The following ERBB4 variants were observed in gnomAD, a reference collection of about 807,000 sequenced individuals.
ERBB4 encodes the protein receptor tyrosine-protein kinase erbB-4.
ERBB4 carries 42 observed loss-of-function variants against 158.0 expected under a neutral mutation model. That is an observed-to-expected ratio of 0.27 (90% CI 0.21 to 0.34). The LOEUF (loss-of-function observed/expected upper bound fraction) is 0.34, where lower values mean the gene tolerates loss of function less well. Ranked by LOEUF, ERBB4 falls within the 10% of genes least tolerant of loss-of-function variation. The pLI, the probability that ERBB4 is intolerant of heterozygous loss-of-function variation, is 1.00. For missense variants in ERBB4, 1,333 were observed against 1,624.1 expected (o/e 0.82, Z 3.08); for synonymous variants, 583 against 558.7 (o/e 1.04, Z -0.61).
rs1553630145 is a variant in ERBB4, at chr2:211,772,955, A to ATATTTTT, written c.556+15069_556+15070insAAAAATA. The stretch of plus-strand genomic sequence containing the variant: ...TATATATATATATATATATATATAT[A>ATATTTTT]TTTTTTTTTTTAAAGATGGGGTCCT... On this transcript the variant is annotated intron_variant, in intron 4 of 27. Coordinates refer to ENST00000342788, the MANE Select transcript of ERBB4 (RefSeq NM_005235.3). Among the ~76,000 whole-genome samples the ATATTTTT allele has an allele frequency of 4.1e-4, 34 of 83,294 alleles. 5 individuals are homozygous for ATATTTTT. Among genetic ancestry groups the ATATTTTT allele is most frequent in the South Asian group, 9.7e-4 (2 of 2,054 alleles). The allele number at this position is 83,294 out of a possible 152,430, so 54.6% of individuals were successfully genotyped here.
chr2:211,543,716 T>G (rs1421568596), intron 20 of ERBB4, among the ~76,000 whole-genome samples: 7 of 151,954 alleles, frequency 4.6e-5, no homozygotes, highest in African/African-American at 1.7e-4. Context: ...GTAATAAACC[T>G]GGAAAATATG....
At chr2:211,863,634 A>C (rs949044419) in intron 3 of ERBB4, among the ~76,000 whole-genome samples, 17 of 152,174 alleles carry the variant, frequency 1.1e-4, no homozygotes, top group Admixed American at 3.3e-4. Context: ...AGTCAGTGAG[A>C]CCAGGAACCC....
At chr2:212,411,984 A>G (rs1003221380) in intron 1 of ERBB4, among the ~76,000 whole-genome samples, 1 of 152,086 alleles carries the variant, frequency 6.6e-6, no homozygotes, top group Non-Finnish European at 1.5e-5. Flanking sequence ...CAACTCTGGG[A>G]GTTCAACACA....
At chr2:212,464,944 C>G (rs1000023567) in intron 1 of ERBB4, among the ~76,000 whole-genome samples, 2 of 150,982 alleles carry the variant, frequency 1.3e-5, no homozygotes, top group African/African-American at 4.9e-5. Flanking sequence ...GAAACTAACA[C>G]AGTACAAATT....
chr2:211,789,475 C>T (rs62184480), intron 3 of ERBB4, among the ~76,000 whole-genome samples: 39,140 of 152,030 alleles, frequency 0.26, 5,379 homozygotes, highest in African/African-American at 0.29. Context: ...CAAGAGCAAG[C>T]AAGAGACTTC....
chr2:211,967,311 G>C (rs1284036804), intron 2 of ERBB4, among the ~76,000 whole-genome samples: 2 of 152,024 alleles, frequency 1.3e-5, no homozygotes, highest in Non-Finnish European at 2.9e-5. Flanking sequence ...ATGTAATAGG[G>C]AACTGCAATT....
At chr2:211,607,652 A>G (rs546924030) in intron 19 of ERBB4, among the ~76,000 whole-genome samples, 1 of 152,106 alleles carries the variant, frequency 6.6e-6, no homozygotes, top group Non-Finnish European at 1.5e-5. Context: ...CATGCTATAC[A>G]TAAACTGTAA....
At chr2:211,556,163 A>G (rs1358265279) in intron 20 of ERBB4, among the ~76,000 whole-genome samples, 1 of 152,232 alleles carries the variant, frequency 6.6e-6, no homozygotes, top group Admixed American at 6.5e-5. Flanking sequence ...ATAGACTATA[A>G]ACCAAAAAAG....
At position 212,076,417 on chromosome 2, in the gene ERBB4, C is replaced by A. The variant is rs577189352; in HGVS notation, c.234+48335G>T. Reference sequence around the variant, plus strand: ...GGATATCAAATCAATTCAATTCAATCCAACAGTATTCATTAAGTGCCTATT... The same window carrying A: ...GGATATCAAATCAATTCAATTCAATACAACAGTATTCATTAAGTGCCTATT... On this transcript the variant is annotated intron_variant, in intron 2 of 27. Transcript: ENST00000342788. Among the ~76,000 whole-genome samples the A allele has an allele frequency of 2.0e-5, 3 of 151,888 alleles. No individual in the cohort carries two copies. In the South Asian group the frequency reaches 6.2e-4, roughly 32 times the overall value.
chr2:212,499,971 T>C (rs1690793439), intron 1 of ERBB4, among the ~76,000 whole-genome samples: 1 of 152,114 alleles, frequency 6.6e-6, no homozygotes, highest in Non-Finnish European at 1.5e-5. Context: ...TGATTTCTCA[T>C]GAGATGACAC....
intron 1 of ERBB4, among the ~76,000 whole-genome samples, chr2:212,519,031 T>C (rs1692001124): frequency 6.6e-6 from 1 of 152,014 alleles, no homozygotes; most frequent in African/African-American, 2.4e-5. Flanking sequence ...TGCCATCCTG[T>C]GTGTACCCAG....
At chr2:211,875,025 C>CAAAAAAAAAA (rs746636278) in intron 3 of ERBB4, among the ~76,000 whole-genome samples, 27 of 27,014 alleles carry the variant, frequency 1.0e-3, no homozygotes, top group South Asian at 1.9e-3. Context: ...AATAGAAATG[C>CAAAAAAAAAA]AAAAAAAAAA....
rs1250397553 is a variant in ERBB4 at position 212,124,767 on chromosome 2, G to A, written c.219C>T (p.Asp73=). Residue 73 remains aspartate (D), a synonymous_variant, in exon 2 of 28, where the codon GAC becomes GAT. Coordinates refer to ENST00000342788, the MANE Select transcript of ERBB4 (RefSeq NM_005235.3). The stretch of plus-strand genomic sequence containing the variant: ...ACAGCTTTACCCGCAGGAAGGAGAG[G>A]TCCCGGTTGTGCTCAATGCTGGTTA... The part of the protein sequence containing the change: ...LEITSIEHNR[D]LSFLRSVREV... The A allele has an allele frequency of 6.2e-7, 1 of 1,614,116 alleles. No individual in the cohort carries two copies. The highest frequency in any genetic ancestry group is 1.1e-5 in the South Asian group (1 of 91,080).
At chr2:212,457,117 T>C (rs1192358642) in intron 1 of ERBB4, among the ~76,000 whole-genome samples, 1 of 152,054 alleles carries the variant, frequency 6.6e-6, no homozygotes. Context: ...TATTTAATGA[T>C]ACATCACAAA....
intron 1 of ERBB4, among the ~76,000 whole-genome samples, chr2:212,141,994 T>C (rs1389712736): frequency 6.6e-6 from 1 of 152,278 alleles, no homozygotes; most frequent in East Asian, 1.9e-4. Context: ...ACTTAGACCA[T>C]CTATCTGCTA....
intron 2 of ERBB4, among the ~76,000 whole-genome samples, chr2:212,001,466 T>C (rs1436805337): frequency 6.6e-6 from 1 of 152,162 alleles, no homozygotes; most frequent in Non-Finnish European, 1.5e-5. Flanking sequence ...TTAATCAATG[T>C]CACTTGTGCT....
intron 1 of ERBB4, among the ~76,000 whole-genome samples, chr2:212,372,775 C>T (rs2106388009): frequency 6.6e-6 from 1 of 152,156 alleles, no homozygotes; most frequent in East Asian, 1.9e-4. Context: ...CAAAACAAAA[C>T]AAAAGCCTGA....
chr2:211,664,182 T>A (rs540438432), intron 15 of ERBB4, among the ~76,000 whole-genome samples: 2 of 152,318 alleles, frequency 1.3e-5, no homozygotes, highest in Non-Finnish European at 2.9e-5. Context: ...TGCAAATTGA[T>A]GTTTTCTTGG....
chr2:211,634,094 G>T (rs2070261473), intron 16 of ERBB4, among the ~76,000 whole-genome samples: 1 of 152,168 alleles, frequency 6.6e-6, no homozygotes, highest in African/African-American at 2.4e-5. Context: ...AGGAAGTGAA[G>T]GTTGCAATGA....
Sources: allele counts gnomAD v4.1 joint callset (sites outside exome capture counted in the v4.1 genomes callset), GRCh38; gene constraint gnomAD v4.1.1; transcripts MANE v1.5; gene names NCBI Gene and HGNC (gene_info 2026-07-23, HGNC 2026-07-21).